Variants in TXNDC9 observed in about 807,000 individuals in gnomAD.
TXNDC9 encodes the protein thioredoxin domain-containing protein 9.
TXNDC9 carries 7 observed loss-of-function variants against 23.0 expected under a neutral mutation model. The observed-to-expected ratio is 0.30, with a 90% CI of 0.17 to 0.57. The LOEUF (loss-of-function observed/expected upper bound fraction) is 0.57. TXNDC9 is among the 20% of genes least tolerant of loss of function. The pLI, the probability that TXNDC9 is intolerant of heterozygous loss-of-function variation, is 0.90. For synonymous variants in TXNDC9, 72 were observed against 90.6 expected (o/e 0.79, Z 1.17); for missense variants, 198 against 252.6 (o/e 0.78, Z 1.47).
intron 4 of TXNDC9, 169 bp downstream of exon 4, chr2:99,321,786 A>T: frequency 1.4e-6 from 1 of 723,376 alleles, no homozygotes; most frequent in Non-Finnish European, 2.1e-6. Context: ...CCGTAAAATC[A>T]CGCTAATATT....
rs565498207 is a variant in TXNDC9 at position 99,319,417 on chromosome 2, A to G, written c.*265T>C. The G allele has an allele frequency of 8.8e-5, 26 of 294,490 alleles. No individual in the cohort carries two copies. The Admixed American group carries it at 1.1e-3, about 12-fold the overall frequency. 18.2% of individuals were successfully genotyped at this position (294,490 alleles called of 1,614,324 possible). ...AAACACAATTGTAAATGGTATAAAG[A>G]TGTAAGAATCATATTGTGATAAAGT... On this transcript the variant is annotated 3_prime_UTR_variant, in exon 5 of 5. Coordinates refer to ENST00000264255, the MANE Select transcript of TXNDC9 (RefSeq NM_005783.4).
At chr2:99,318,424 T>A (rs781334422), downstream of TXNDC9, among the ~76,000 whole-genome samples, 20 of 152,158 alleles carry the variant, frequency 1.3e-4, no homozygotes, top group Non-Finnish European at 2.1e-4. Flanking sequence ...TCCACCCACC[T>A]CGGCCTCCCA....
chr2:99,322,731 A>C, intron 3 of TXNDC9: 3 of 1,404,144 alleles, frequency 2.1e-6, no homozygotes, highest in Non-Finnish European at 2.8e-6. Context: ...TTATGCTTCT[A>C]GGAAATTAAA....
chr2:99,321,795 T>C (rs1402532208), intron 4 of TXNDC9, 160 bp downstream of exon 4: 1 of 816,280 alleles, frequency 1.2e-6, no homozygotes, highest in African/African-American at 1.7e-5. Flanking sequence ...CACGCTAATA[T>C]TACACACTTC....
At chr2:99,323,704 C>G (rs1332034274) in intron 3 of TXNDC9, among the ~76,000 whole-genome samples, 1 of 152,166 alleles carries the variant, frequency 6.6e-6, no homozygotes, top group Non-Finnish European at 1.5e-5. Context: ...CCACTGCACT[C>G]CAGGCTAGGC....
intron 2 of TXNDC9, among the ~76,000 whole-genome samples, chr2:99,332,526 C>T (rs2094228544): frequency 6.6e-6 from 1 of 152,202 alleles, no homozygotes; most frequent in Non-Finnish European, 1.5e-5. Context: ...TTATTCTACA[C>T]AAACATTCTA....
intron 2 of TXNDC9, among the ~76,000 whole-genome samples, chr2:99,331,076 G>A (rs2094224390): frequency 6.6e-6 from 1 of 152,100 alleles, no homozygotes; most frequent in Non-Finnish European, 1.5e-5. Context: ...ATTATTTAAC[G>A]TATGTTCATC....
intron 2 of TXNDC9, among the ~76,000 whole-genome samples, chr2:99,329,348 G>T (rs1366207461): frequency 1.3e-5 from 2 of 152,080 alleles, no homozygotes; most frequent in African/African-American, 2.4e-5. Flanking sequence ...ACTCTTCCAG[G>T]ATATCAACTA....
At chr2:99,321,247 G>A (rs2094201040) in intron 4 of TXNDC9, 1 of 152,082 alleles carries the variant, frequency 6.6e-6, no homozygotes, top group African/African-American at 2.4e-5. Flanking sequence ...TTCCTGAAAG[G>A]CACCATGACT....
chr2:99,333,477 A>ATGTTTACTGTATG (rs1364560401), intron 1 of TXNDC9, among the ~76,000 whole-genome samples: 7 of 152,188 alleles, frequency 4.6e-5, no homozygotes, highest in African/African-American at 1.7e-4. Flanking sequence ...GGTGCTTCTG[A>ATGTTTACTGTATG]TTTAGCATAT....
rs534711912 is a variant in TXNDC9, at chr2:99,322,430, T to C, written c.309-221A>G. ...CCTATAAGATTCTAGAAAGTCAGATTTGCATTAATGATATTCTCTTTTAAA... is the reference window on the plus strand; with the variant it reads ...CCTATAAGATTCTAGAAAGTCAGATCTGCATTAATGATATTCTCTTTTAAA... On this transcript the variant is annotated intron_variant, in intron 3 of 4. Transcript: ENST00000264255. 3,087 of 1,254,532 alleles carry C rather than the reference T, an allele frequency of 2.5e-3. 11 individuals carry two copies. The highest frequency in any genetic ancestry group is 2.9e-3 in the Non-Finnish European group (2,713 of 934,896). 77.7% of individuals were successfully genotyped at this position (1,254,532 alleles called of 1,614,324 possible).
chr2:99,315,162 A>G (rs1225252151), downstream of TXNDC9, among the ~76,000 whole-genome samples: 31 of 150,290 alleles, frequency 2.1e-4, no homozygotes, highest in Admixed American at 6.7e-5. Flanking sequence ...TCCTGGGTTC[A>G]TGCCATTCTC....
intron 2 of TXNDC9, among the ~76,000 whole-genome samples, chr2:99,331,716 T>A (rs1408743653): frequency 6.6e-6 from 1 of 152,170 alleles, no homozygotes; most frequent in African/African-American, 2.4e-5. Flanking sequence ...GCTACAGCAA[T>A]ACAAACAAAA....
chr2:99,328,290 G>A (rs2094217546), intron 2 of TXNDC9, among the ~76,000 whole-genome samples: 1 of 149,666 alleles, frequency 6.7e-6, no homozygotes, highest in South Asian at 2.1e-4. Context: ...TGGTAGAGAC[G>A]GGGTTTTTAC....
chr2:99,318,574 T>G (rs555984307), downstream of TXNDC9, among the ~76,000 whole-genome samples: 1 of 152,166 alleles, frequency 6.6e-6, no homozygotes, highest in South Asian at 2.1e-4. Context: ...CTAGGAGTTA[T>G]ACTCACAGTC....
chr2:99,332,278 A>C (rs1027575340), intron 2 of TXNDC9, among the ~76,000 whole-genome samples: 2 of 152,178 alleles, frequency 1.3e-5, no homozygotes, highest in African/African-American at 4.8e-5. Context: ...CCCCATCTCT[A>C]CTAAAAATAC....
chr2:99,319,647 A>G lies in TXNDC9; in HGVS notation c.*35T>C, dbSNP rs373265671. 92 of 1,427,244 alleles carry G rather than the reference A, an allele frequency of 6.4e-5. No homozygotes were observed. Among genetic ancestry groups the G allele is most frequent in the Non-Finnish European group, 7.8e-5 (81 of 1,038,020 alleles). The allele number at this position is 1,427,244 out of a possible 1,614,324, so 88.4% of individuals were successfully genotyped here. A position where few individuals can be genotyped will look rare whatever the true frequency, so the allele number is the denominator to read the frequency against. ...AAAAACACATTTAAATCTGAAGCAGAAAAAAAAAGACAATTTACAAAGAAT... is the reference window on the plus strand; with the variant it reads ...AAAAACACATTTAAATCTGAAGCAGGAAAAAAAAGACAATTTACAAAGAAT... On this transcript the variant is annotated 3_prime_UTR_variant, in exon 5 of 5. Transcript: ENST00000264255.
At chr2:99,332,731 G>A (rs576314471) in intron 2 of TXNDC9, 1 of 297,814 alleles carries the variant, frequency 3.4e-6, no homozygotes, top group Admixed American at 4.9e-5. Context: ...ACCTGAAATG[G>A]AAACCAATGA....
chr2:99,310,292 T>G, the TXNDC9 span, among the ~76,000 whole-genome samples: 1 of 152,354 alleles, frequency 6.6e-6, no homozygotes, highest in East Asian at 1.9e-4. Flanking sequence ...TTTTCTTTTT[T>G]TGAGTCAGAG....
Sources: gnomAD v4.1 joint callset for allele counts (sites outside exome capture counted in the v4.1 genomes callset) on GRCh38, gnomAD v4.1.1 for gene constraint, MANE v1.5 for transcripts, NCBI Gene and HGNC (gene_info 2026-07-23, HGNC 2026-07-21) for gene names.